Variants in CAMK1D observed in about 807,000 individuals in gnomAD.
CAMK1D encodes calcium/calmodulin dependent protein kinase ID.
CAMK1D carries 9 observed loss-of-function variants against 47.7 expected under a neutral mutation model. The observed-to-expected ratio is 0.19, with a 90% CI of 0.11 to 0.33. The LOEUF (loss-of-function observed/expected upper bound fraction) is 0.33. CAMK1D is among the 10% of genes least tolerant of loss of function. The pLI, the probability that CAMK1D is intolerant of heterozygous loss-of-function variation, is 1.00. For missense variants in CAMK1D, 291 were observed against 488.7 expected, an observed-to-expected ratio of 0.60 and a Z score of 3.81; for synonymous variants, 184 against 184.9, an observed-to-expected ratio of 0.99 and a Z score of 0.04.
Position 12,520,060 on chromosome 10 carries a change from TG to T in CAMK1D, c.93-33159del, listed in dbSNP as rs1286037778. Among the ~76,000 whole-genome samples the T allele has an allele frequency of 4.1e-4, 19 of 45,928 alleles. 5 individuals are homozygous for T. Among genetic ancestry groups the T allele is most frequent in the Admixed American group, 3.8e-3 (19 of 4,978 alleles). The allele number at this position is 45,928 out of a possible 152,430, so 30.1% of individuals were successfully genotyped here. A position where few individuals can be genotyped will look rare whatever the true frequency, so the allele number is the denominator to read the frequency against. On this transcript the variant is annotated intron_variant, in intron 1 of 10. Transcript: ENST00000619168. ...CTCCCGGACGGGGCGGCTGGCCGGG[TG>T]GGGGGCTGACCCCCCCCCACCTCCC...
intron 1 of CAMK1D, among the ~76,000 whole-genome samples, chr10:12,455,872 A>C (rs1461358236): frequency 6.6e-6 from 1 of 152,214 alleles, no homozygotes; most frequent in Non-Finnish European, 1.5e-5. Flanking sequence ...AAACCATATT[A>C]AACAAAGGAG....
At chr10:12,538,797 A>C (rs1836064428) in intron 1 of CAMK1D, among the ~76,000 whole-genome samples, 1 of 149,682 alleles carries the variant, frequency 6.7e-6, no homozygotes. Context: ...AGGGCAGGTC[A>C]GGAGCTCTCC....
chr10:12,688,693 A>AT (rs1427677403), intron 3 of CAMK1D, among the ~76,000 whole-genome samples: 8 of 150,636 alleles, frequency 5.3e-5, no homozygotes, highest in Admixed American at 4.0e-4. Context: ...TTTATTTTTT[A>AT]TTTTTTTTGT....
intron 1 of CAMK1D, among the ~76,000 whole-genome samples, chr10:12,535,686 C>A (rs1244599004): frequency 6.6e-6 from 1 of 152,186 alleles, no homozygotes; most frequent in Non-Finnish European, 1.5e-5. Context: ...GTGGCTACTT[C>A]ATGAAGGTTT....
intron 1 of CAMK1D, among the ~76,000 whole-genome samples, chr10:12,400,067 C>A (rs1048623427): frequency 6.6e-6 from 1 of 152,080 alleles, no homozygotes; most frequent in African/African-American, 2.4e-5. Context: ...CTTCTGAAAA[C>A]ATAACTACTG....
chr10:12,499,859 C>CT, intron 1 of CAMK1D, among the ~76,000 whole-genome samples: 1 of 152,140 alleles, frequency 6.6e-6, no homozygotes, highest in East Asian at 1.9e-4. Flanking sequence ...TGGCCATGGT[C>CT]TATTCAAGGA....
At position 12,519,107 on chromosome 10, in the gene CAMK1D, G is replaced by A. The variant is rs1411268752; in HGVS notation, c.93-34118G>A. On this transcript the variant is annotated intron_variant, in intron 1 of 10. Coordinates refer to ENST00000619168, the MANE Select transcript of CAMK1D (RefSeq NM_153498.4). ...CACCTCCTGGATAGGGCGGCTGGCC[G>A]GGCGGGGGGCTGACCCCCCCACCAC... 1.2e-4 allele frequency among the ~76,000 whole-genome samples: 11 copies of A among 94,026 alleles called. 1 individual carries two copies. The highest frequency in any genetic ancestry group is 6.1e-4 in the East Asian group (2 of 3,302). The allele number at this position is 94,026 out of a possible 152,430, so 61.7% of individuals were successfully genotyped here. A position where few individuals can be genotyped will look rare whatever the true frequency, so the allele number is the denominator to read the frequency against.
In CAMK1D at chr10:12,722,232, T is replaced by A. The variant is rs531527008; in HGVS notation, c.300-38716T>A. Among the ~76,000 whole-genome samples the A allele has an allele frequency of 8.6e-5, 13 of 151,978 alleles. No individual in the cohort carries two copies. The East Asian group carries it at 9.7e-4, about 11-fold the overall frequency. ...GCTGAGGCGGGCGGATCACGAAGTC[T>A]GGAGATCGAGACCATCCCGGGGATA... is the stretch of plus-strand genomic sequence containing the variant. On this transcript the variant is annotated intron_variant, in intron 3 of 10. Coordinates refer to ENST00000619168, the MANE Select transcript of CAMK1D (RefSeq NM_153498.4).
At chr10:12,398,431 C>G (rs1259931138) in intron 1 of CAMK1D, among the ~76,000 whole-genome samples, 2 of 152,168 alleles carry the variant, frequency 1.3e-5, no homozygotes, top group Non-Finnish European at 2.9e-5. Context: ...TCACTGCAAC[C>G]GCTGCCTCCG....
chr10:12,491,935 A>G (rs1246817445), intron 1 of CAMK1D, among the ~76,000 whole-genome samples: 7 of 151,976 alleles, frequency 4.6e-5, no homozygotes, highest in African/African-American at 1.7e-4. Flanking sequence ...TACAGGCATC[A>G]CCACCACACC....
Position 12,553,457 on chromosome 10 carries a change from G to A in CAMK1D, c.224+101G>A, listed in dbSNP as rs139664294. On this transcript the variant is annotated intron_variant, in intron 2 of 10. Transcript: ENST00000619168. Reference sequence around the variant, plus strand: ...GCAGACTTTCCCCGGGGGCAGAGGGGCCCCCAGAGGACCCAGGCTGTGCAA... The same window carrying A: ...GCAGACTTTCCCCGGGGGCAGAGGGACCCCCAGAGGACCCAGGCTGTGCAA... The A allele has an allele frequency of 2.2e-4, 202 of 918,218 alleles. No individual in the cohort carries two copies. In the African/African-American group the frequency reaches 2.9e-3, roughly 13 times the overall value. The allele number at this position is 918,218 out of a possible 1,614,324, so 56.9% of individuals were successfully genotyped here.
intron 1 of CAMK1D, among the ~76,000 whole-genome samples, chr10:12,551,521 G>T (rs190922055): frequency 6.6e-6 from 1 of 152,278 alleles, no homozygotes; most frequent in African/African-American, 2.4e-5. Context: ...TTGGGAGGTC[G>T]AGGCGAGTGA....
intron 5 of CAMK1D, among the ~76,000 whole-genome samples, chr10:12,783,945 T>C: frequency 6.6e-6 from 1 of 152,192 alleles, no homozygotes; most frequent in East Asian, 1.9e-4. Context: ...ACCACATCTC[T>C]CCACAGGGGT....
At chr10:12,720,735 A>G (rs1211682151) in intron 3 of CAMK1D, among the ~76,000 whole-genome samples, 1 of 152,172 alleles carries the variant, frequency 6.6e-6, no homozygotes, top group Non-Finnish European at 1.5e-5. Context: ...TCCCTCTCGA[A>G]TGGCCCCGAA....
At chr10:12,769,580 CGTT>C in intron 4 of CAMK1D, 90 bp from the exon 5 acceptor site, 3 of 1,410,318 alleles carry the variant, frequency 2.1e-6, no homozygotes, top group Non-Finnish European at 1.9e-6. Flanking sequence ...GACGTCCTGA[CGTT>C]GTGAATAGGT....
At chr10:12,395,717 C>G (rs1156883566) in intron 1 of CAMK1D, among the ~76,000 whole-genome samples, 1 of 151,742 alleles carries the variant, frequency 6.6e-6, no homozygotes, top group Non-Finnish European at 1.5e-5. Flanking sequence ...GAGTTCGAGA[C>G]CAGCCTAGCC....
intron 4 of CAMK1D, among the ~76,000 whole-genome samples, chr10:12,765,949 C>A (rs1836734760): frequency 6.8e-6 from 1 of 147,942 alleles, no homozygotes; most frequent in Non-Finnish European, 1.5e-5. Flanking sequence ...TGGCTGCCCC[C>A]ATCCTAATCT....
chr10:12,741,722 C>A (rs1020199566), intron 3 of CAMK1D, among the ~76,000 whole-genome samples: 44 of 152,070 alleles, frequency 2.9e-4, no homozygotes, highest in African/African-American at 1.1e-3. Flanking sequence ...CCCCAGGATA[C>A]GCATCTGCCG....
chr10:12,508,213 G>T (rs371240710), intron 1 of CAMK1D, among the ~76,000 whole-genome samples: 1 of 152,236 alleles, frequency 6.6e-6, no homozygotes, highest in Non-Finnish European at 1.5e-5. Flanking sequence ...GGAAGTAAAT[G>T]CATCGCTATT....
Sources: allele counts gnomAD v4.1 joint callset (sites outside exome capture counted in the v4.1 genomes callset), GRCh38; gene constraint gnomAD v4.1.1; transcripts MANE v1.5; gene names NCBI Gene and HGNC (gene_info 2026-07-23, HGNC 2026-07-21).